RABGAP1L: variants seen among roughly 807,000 people sequenced by gnomAD.
RABGAP1L encodes the protein RAB GTPase activating protein 1 like, also known as rab GTPase-activating protein 1-like.
Under a neutral mutation model 137.7 loss-of-function variants are expected in RABGAP1L, and 63 were observed. The observed-to-expected ratio is 0.46, with a 90% confidence interval of 0.37 to 0.56. The LOEUF is 0.56. RABGAP1L is among the 20% of genes least tolerant of loss of function. The pLI, the probability that RABGAP1L is intolerant of heterozygous loss-of-function variation, is 0.00. For missense variants in RABGAP1L, 1,095 were observed against 1,244.0 expected (o/e 0.88, Z 1.80); for synonymous variants, 431 against 433.7 (o/e 0.99, Z 0.08).
intron 24 of RABGAP1L, among the ~76,000 whole-genome samples, chr1:174,986,615 G>A (rs1671614938): frequency 6.6e-6 from 1 of 152,234 alleles, no homozygotes. Context: ...AGGCTCGGTA[G>A]AGTAAATGAA....
At chr1:174,557,066 T>C (rs1310483410) in intron 13 of RABGAP1L, among the ~76,000 whole-genome samples, 1 of 152,232 alleles carries the variant, frequency 6.6e-6, no homozygotes, top group East Asian at 1.9e-4. Context: ...CGCATTCGCA[T>C]GCAAATTTCT....
At chr1:174,870,340 GGGACTTCA>G (rs1204322531) in intron 19 of RABGAP1L, among the ~76,000 whole-genome samples, 2 of 152,158 alleles carry the variant, frequency 1.3e-5, no homozygotes, top group Admixed American at 6.5e-5. Flanking sequence ...CATCTGCAGA[GGGACTTCA>G]TTCTATTACA....
At position 174,706,536 on chromosome 1, in the gene RABGAP1L, G is replaced by A. The variant is rs1034357232; in HGVS notation, c.2169+4280G>A. Among the ~76,000 whole-genome samples the A allele has an allele frequency of 7.2e-5, 11 of 151,896 alleles. No homozygotes were observed. In the South Asian group the frequency reaches 8.3e-4, roughly 11 times the overall value. Reference sequence around the variant, plus strand: ...GTAAATATTATGCTATTAACCTATCGATAATAAAACATTGCAGTCTTTAAA... The same window carrying A: ...GTAAATATTATGCTATTAACCTATCAATAATAAAACATTGCAGTCTTTAAA... On this transcript the variant is annotated intron_variant, in intron 17 of 25. Coordinates refer to ENST00000681986, the MANE Select transcript of RABGAP1L (RefSeq NM_001366446.1).
intron 19 of RABGAP1L, among the ~76,000 whole-genome samples, chr1:174,853,380 A>G (rs971719959): frequency 3.9e-5 from 6 of 152,292 alleles, no homozygotes; most frequent in South Asian, 4.1e-4. Flanking sequence ...TCAGAGTTAT[A>G]TATAACTCAT....
At chr1:174,539,243 C>T (rs190911489) in intron 13 of RABGAP1L, among the ~76,000 whole-genome samples, 108 of 151,514 alleles carry the variant, frequency 7.1e-4, no homozygotes, top group Non-Finnish European at 5.7e-4. Context: ...TCAGGTAAAC[C>T]GGGGTTTTAT....
intron 17 of RABGAP1L, among the ~76,000 whole-genome samples, chr1:174,746,457 G>A (rs1408622845): frequency 1.3e-5 from 2 of 152,168 alleles, no homozygotes; most frequent in Non-Finnish European, 2.9e-5. Flanking sequence ...TATACTGCAA[G>A]CAGTCAGCTA....
At chr1:174,950,464 G>A (rs1028897867) in intron 19 of RABGAP1L, among the ~76,000 whole-genome samples, 6 of 152,106 alleles carry the variant, frequency 3.9e-5, no homozygotes, top group Admixed American at 6.5e-5. Context: ...CCTATAGGGC[G>A]TGTTCCTCCT....
At chr1:174,939,547 C>CAAAAAAAAA (rs780377420) in intron 19 of RABGAP1L, among the ~76,000 whole-genome samples, 1 of 79,208 alleles carries the variant, frequency 1.3e-5, no homozygotes. Flanking sequence ...CTCTGTCTCA[C>CAAAAAAAAA]AAAAAAAAAA....
chr1:174,569,994 C>A (rs975990476), intron 13 of RABGAP1L, among the ~76,000 whole-genome samples: 1 of 152,056 alleles, frequency 6.6e-6, no homozygotes, highest in Admixed American at 6.6e-5. Context: ...AAGTTAAGAA[C>A]CTGTGTAGTT....
chr1:174,262,674 T>A (rs941313464), intron 7 of RABGAP1L, among the ~76,000 whole-genome samples: 2 of 152,242 alleles, frequency 1.3e-5, no homozygotes, highest in African/African-American at 2.4e-5. Flanking sequence ...TATAAACATT[T>A]AATTTATTGG....
At chr1:174,471,189 T>C (rs1357955315) in intron 13 of RABGAP1L, among the ~76,000 whole-genome samples, 1 of 152,330 alleles carries the variant, frequency 6.6e-6, no homozygotes, top group South Asian at 2.1e-4. Flanking sequence ...GTCATACTTA[T>C]TACTTACCCA....
intron 13 of RABGAP1L, among the ~76,000 whole-genome samples, chr1:174,525,801 T>G (rs1160866332): frequency 6.6e-6 from 1 of 152,172 alleles, no homozygotes; most frequent in Non-Finnish European, 1.5e-5. Flanking sequence ...TTTTGAGGTA[T>G]ATTCCTTCTA....
intron 14 of RABGAP1L, among the ~76,000 whole-genome samples, chr1:174,646,164 C>T (rs1347925672): frequency 1.3e-5 from 2 of 152,014 alleles, no homozygotes; most frequent in Non-Finnish European, 2.9e-5. Context: ...CTGTAGGTTA[C>T]CTGTTCACTG....
At chr1:174,247,260 G>A (rs915007690) in intron 5 of RABGAP1L, among the ~76,000 whole-genome samples, 6 of 152,296 alleles carry the variant, frequency 3.9e-5, no homozygotes, top group Admixed American at 2.0e-4. Context: ...AACTACCAAT[G>A]TATGCAAAAT....
intron 21 of RABGAP1L, among the ~76,000 whole-genome samples, chr1:174,969,667 C>G (rs1244947244): frequency 6.6e-6 from 1 of 152,184 alleles, no homozygotes; most frequent in African/African-American, 2.4e-5. Context: ...GCATAATTAT[C>G]TGAGAACATC....
intron 13 of RABGAP1L, among the ~76,000 whole-genome samples, chr1:174,466,026 T>G (rs964152140): frequency 6.6e-6 from 1 of 152,176 alleles, no homozygotes; most frequent in African/African-American, 2.4e-5. Context: ...GTGGGATGAG[T>G]AGTTGCCATA....
At chr1:174,888,156 G>T (rs1055659740) in intron 19 of RABGAP1L, among the ~76,000 whole-genome samples, 3 of 152,114 alleles carry the variant, frequency 2.0e-5, no homozygotes, top group Non-Finnish European at 2.9e-5. Flanking sequence ...TACTATAAAT[G>T]CAAAATAATT....
chr1:174,202,404 A>T (rs1668185424), intron 1 of RABGAP1L, among the ~76,000 whole-genome samples: 1 of 152,212 alleles, frequency 6.6e-6, no homozygotes, highest in South Asian at 2.1e-4. Flanking sequence ...ATGGCCAGTG[A>T]TGGTGAGCAT....
At chr1:174,585,887 G>C (rs951132520) in intron 13 of RABGAP1L, among the ~76,000 whole-genome samples, 2 of 152,074 alleles carry the variant, frequency 1.3e-5, no homozygotes, top group Non-Finnish European at 2.9e-5. Context: ...CTATGTGTGT[G>C]TATTTATTAA....
Sources: allele counts gnomAD v4.1 joint callset (sites outside exome capture counted in the v4.1 genomes callset), GRCh38; gene constraint gnomAD v4.1.1; transcripts MANE v1.5; gene names NCBI Gene and HGNC (gene_info 2026-07-23, HGNC 2026-07-21).